The following IGDCC4 variants were observed in gnomAD, a reference collection of about 807,000 sequenced individuals.
IGDCC4 encodes the protein likely ortholog of mouse neighbor of Punc E11.
Under a neutral mutation model 116.6 loss-of-function variants are expected in IGDCC4, and 72 were observed. That is an observed-to-expected ratio of 0.62 (90% CI 0.51 to 0.75). IGDCC4 has a LOEUF of 0.75. Among genes scored for constraint, IGDCC4 ranks in the 30% least tolerant of loss-of-function variants. The pLI is 0.00. For missense variants in IGDCC4, 1,501 were observed against 1,662.4 expected (o/e 0.90, Z 1.69); for synonymous variants, 709 against 719.9 (o/e 0.98, Z 0.24).
chr15:65,394,244 CT>C (rs80032863), intron 9 of IGDCC4, among the ~76,000 whole-genome samples, 166 bp downstream of exon 9: 22,271 of 152,050 alleles, frequency 0.15, 1,943 homozygotes, highest in East Asian at 0.41. Context: ...TCTGTCTTCC[CT>C]TTTCATTCCT....
At chr15:65,404,149 G>A (rs956566720) in intron 3 of IGDCC4, among the ~76,000 whole-genome samples, 5 of 152,082 alleles carry the variant, frequency 3.3e-5, no homozygotes, top group African/African-American at 9.7e-5. Flanking sequence ...GGCTGGGGAG[G>A]AAGAATGTTC....
chr15:65,417,529 AT>A (rs1174501754), intron 1 of IGDCC4, among the ~76,000 whole-genome samples: 1 of 152,140 alleles, frequency 6.6e-6, no homozygotes, highest in African/African-American at 2.4e-5. Context: ...TCCCTGGTTG[AT>A]TTAGACACCT....
chr15:65,402,269 T>C, intron 4 of IGDCC4, 82 bp downstream of exon 4: 1 of 1,478,312 alleles, frequency 6.8e-7, no homozygotes, highest in Middle Eastern at 2.3e-4. Context: ...AGGCAAGGCC[T>C]GGACCCCTTG....
Position 65,411,011 on chromosome 15 carries a change from A to G in IGDCC4, c.421+9T>C, listed in dbSNP as rs757919308. ...CAGCCTCAGACCCCCGCCCGATGCA[A>G]GCACTTACTGGCAAGCTTGACGACA... is the stretch of plus-strand genomic sequence containing the variant. On this transcript the variant is annotated intron_variant, in intron 2 of 19. Transcript: ENST00000352385. 1 of 1,599,342 alleles carries G rather than the reference A, an allele frequency of 6.3e-7. No homozygotes were observed. The highest frequency in any genetic ancestry group is 8.5e-7 in the Non-Finnish European group (1 of 1,170,502).
chr15:65,410,730 G>A (rs981867877), intron 2 of IGDCC4: 3 of 485,148 alleles, frequency 6.2e-6, no homozygotes, highest in Non-Finnish European at 1.1e-5. Flanking sequence ...ACACAAAGGG[G>A]GCACTCTGGC....
At chr15:65,406,451 T>C (rs2063041866) in intron 3 of IGDCC4, among the ~76,000 whole-genome samples, 1 of 152,194 alleles carries the variant, frequency 6.6e-6, no homozygotes, top group Admixed American at 6.5e-5. Flanking sequence ...TTATCCCCTA[T>C]TATTAGAAAA....
Position 65,385,872 on chromosome 15 carries a change from C to A in IGDCC4, c.3139G>T (p.Gly1047Cys). 1 of 1,612,896 alleles carries A rather than the reference C, an allele frequency of 6.2e-7. No individual in the cohort carries two copies. Among genetic ancestry groups the A allele is most frequent in the Non-Finnish European group, 8.5e-7 (1 of 1,180,032 alleles). Residue 1047 changes from glycine (G) to cysteine (C), a missense_variant, in exon 18 of 20, where the codon GGT (glycine) becomes TGT (cysteine). Coordinates refer to ENST00000352385, the MANE Select transcript of IGDCC4 (RefSeq NM_020962.3). Reference sequence around the variant, plus strand: ...CTCCGGCCTTCAGAAACACCGCCACCCATAAGGCTGTGCACTTCAGCCCTG... The same window carrying A: ...CTCCGGCCTTCAGAAACACCGCCACACATAAGGCTGTGCACTTCAGCCCTG... ...EDRAEVHSLM[G>C]GGVSEGRSHS...
chr15:65,401,018 A>C, intron 4 of IGDCC4, 72 bp from the exon 5 acceptor site: 9 of 1,588,956 alleles, frequency 5.7e-6, no homozygotes, highest in Non-Finnish European at 6.9e-6. Flanking sequence ...CCTGAGTCTC[A>C]CAGTAACCTG....
At chr15:65,389,144 TA>T in intron 14 of IGDCC4, 139 bp downstream of exon 14, 3 of 1,260,450 alleles carry the variant, frequency 2.4e-6, no homozygotes, top group Non-Finnish European at 3.3e-6. Context: ...TGGAGGGACT[TA>T]ACATTCCTCC....
chr15:65,419,697 C>T (rs1239878611), intron 1 of IGDCC4, among the ~76,000 whole-genome samples: 1 of 152,092 alleles, frequency 6.6e-6, no homozygotes, highest in African/African-American at 2.4e-5. Context: ...AGAAAGCTCT[C>T]AAGTTCTTAG....
chr15:65,405,228 G>A (rs1167349013), intron 3 of IGDCC4, among the ~76,000 whole-genome samples: 1 of 151,492 alleles, frequency 6.6e-6, no homozygotes, highest in Non-Finnish European at 1.5e-5. Context: ...AGCCACAGGT[G>A]GCAAAGCTCG....
At chr15:65,392,533 C>G (rs2062878126) in intron 10 of IGDCC4, among the ~76,000 whole-genome samples, 163 bp from the exon 11 acceptor site, 1 of 152,194 alleles carries the variant, frequency 6.6e-6, no homozygotes, top group South Asian at 2.1e-4. Context: ...CACCACTCAG[C>G]CACCACTCTA....
In IGDCC4 at chr15:65,385,323, A is replaced by G. The variant is rs1242710925; in HGVS notation, c.3181-208T>C. 8.5e-6 allele frequency: 5 copies of G among 588,478 alleles called. No individual in the cohort carries two copies. The African/African-American group carries it at 9.5e-5, about 11-fold the overall frequency. 36.5% of individuals were successfully genotyped at this position (588,478 alleles called of 1,614,324 possible). ...CTGAGGATGAGTCCTCCTGCAGAGGAGCGGAACACCAGACGCTCTGCAAAG... is the reference window on the plus strand; with the variant it reads ...CTGAGGATGAGTCCTCCTGCAGAGGGGCGGAACACCAGACGCTCTGCAAAG... On this transcript the variant is annotated intron_variant, in intron 18 of 19. Transcript: ENST00000352385.
At position 65,381,584 on chromosome 15, in the gene IGDCC4, A is replaced by G. The variant is rs1595770988; in HGVS notation, c.*2425T>C. On this transcript the variant is annotated 3_prime_UTR_variant, in exon 20 of 20. Coordinates refer to ENST00000352385, the MANE Select transcript of IGDCC4 (RefSeq NM_020962.3). ...ATCATATTTGTAAGGAGAAAAAAAA[A>G]ACGCTGGAAGGATAATTAAATAGTA... 1 of 152,206 alleles carries G rather than the reference A, an allele frequency of 6.6e-6. No homozygotes were observed. Among genetic ancestry groups the G allele is most frequent in the African/African-American group, 2.4e-5 (1 of 41,446 alleles). 9.4% of individuals were successfully genotyped at this position (152,206 alleles called of 1,614,324 possible). A position where few individuals can be genotyped will look rare whatever the true frequency, so the allele number is the denominator to read the frequency against.
In IGDCC4 at chr15:65,418,925, A is replaced by G. The variant is rs567857273; in HGVS notation, c.70+3868T>C. ...CGTCTCAGAAGGTATAGAGGAGTGC[A>G]AAGAGAGTGAACTTGGGTATCCCTA... On this transcript the variant is annotated intron_variant, in intron 1 of 19. Transcript: ENST00000352385. Among the ~76,000 whole-genome samples the G allele has an allele frequency of 2.0e-5, 3 of 152,314 alleles. No homozygotes were observed. In the South Asian group the frequency reaches 6.2e-4, roughly 32 times the overall value.
At chr15:65,394,831 G>A (rs552209230) in intron 8 of IGDCC4, among the ~76,000 whole-genome samples, 3 of 152,192 alleles carry the variant, frequency 2.0e-5, no homozygotes, top group Non-Finnish European at 2.9e-5. Flanking sequence ...GTGTCAGGGA[G>A]AACTGCATGA....
At chr15:65,386,149 G>A in intron 17 of IGDCC4, 90 bp from the exon 18 acceptor site, 1 of 823,274 alleles carries the variant, frequency 1.2e-6, no homozygotes, top group African/African-American at 1.7e-5. Flanking sequence ...CTCTGGGGAG[G>A]TTCCTGCCCA....
chr15:65,391,649 G>A (rs752225790), intron 12 of IGDCC4, among the ~76,000 whole-genome samples: 1 of 152,186 alleles, frequency 6.6e-6, no homozygotes, highest in Non-Finnish European at 1.5e-5. Context: ...ACTATTCATG[G>A]GTAATGCAAA....
At chr15:65,409,458 G>A (rs2063068973) in intron 3 of IGDCC4, among the ~76,000 whole-genome samples, 1 of 152,124 alleles carries the variant, frequency 6.6e-6, no homozygotes, top group Non-Finnish European at 1.5e-5. Context: ...AAGAATCCAG[G>A]GGGTGATGAC....
Sources: gnomAD v4.1 joint callset for allele counts (sites outside exome capture counted in the v4.1 genomes callset) on GRCh38, gnomAD v4.1.1 for gene constraint, MANE v1.5 for transcripts, NCBI Gene and HGNC (gene_info 2026-07-23, HGNC 2026-07-21) for gene names.